CEP95: variants seen among roughly 807,000 people sequenced by gnomAD.
CEP95 encodes the protein centrosomal protein of 95 kDa.
In CEP95, 98 loss-of-function variants were observed where a neutral mutation model predicts 111.2. That is an observed-to-expected ratio of 0.88 (90% CI 0.75 to 1.04). CEP95 has a LOEUF of 1.04. Among genes scored for constraint, CEP95 ranks in the 50% least tolerant of loss-of-function variants. The probability of loss-of-function intolerance (pLI) is 0.00; values close to 1 mark genes in which losing one functional copy is unlikely to be tolerated. For synonymous variants in CEP95, 323 were observed against 327.1 expected, an observed-to-expected ratio of 0.99 and a Z score of 0.14; for missense variants, 1,027 against 977.2, an observed-to-expected ratio of 1.05 and a Z score of -0.68.
At chr17:64,537,185 G>A (rs1968718512) in intron 19 of CEP95, 73 bp downstream of exon 19, 1 of 1,565,984 alleles carries the variant, frequency 6.4e-7, no homozygotes, top group Non-Finnish European at 8.6e-7. Flanking sequence ...CTCGTACATT[G>A]GTGGTTGGAG....
At chr17:64,532,132 A>G in intron 14 of CEP95, 110 bp downstream of exon 14, 1 of 1,366,638 alleles carries the variant, frequency 7.3e-7, no homozygotes, top group Non-Finnish European at 9.5e-7. Context: ...AGCCGAAGAA[A>G]GTTTTTTTTT....
chr17:64,522,504 A>G (rs114061318), intron 7 of CEP95, among the ~76,000 whole-genome samples, 198 bp from the exon 8 acceptor site: 5,234 of 151,930 alleles, frequency 0.034, 314 homozygotes, highest in African/African-American at 0.12. Flanking sequence ...AAAAAAAAAA[A>G]TTACATCCTA....
intron 12 of CEP95, among the ~76,000 whole-genome samples, chr17:64,530,602 G>C (rs190018801): frequency 1.4e-3 from 215 of 151,308 alleles, no homozygotes; most frequent in Non-Finnish European, 2.7e-3. Flanking sequence ...TCCGTTTCCC[G>C]GGTTCAAGCG....
intron 3 of CEP95, among the ~76,000 whole-genome samples, chr17:64,513,108 G>A (rs970603930): frequency 1.3e-5 from 2 of 152,018 alleles, no homozygotes; most frequent in Admixed American, 6.5e-5. Flanking sequence ...TTTTTAAGCC[G>A]GAAAAACACG....
intron 8 of CEP95, among the ~76,000 whole-genome samples, chr17:64,524,992 A>G (rs1967684497): frequency 6.6e-6 from 1 of 151,950 alleles, no homozygotes; most frequent in South Asian, 2.1e-4. Flanking sequence ...ACAAACAAAC[A>G]TTAAATGTTT....
chr17:64,507,107 T>C lies in CEP95; in HGVS notation c.10T>C (p.Ser4Pro). The C allele has an allele frequency of 1.3e-6, 2 of 1,551,350 alleles. No homozygotes were observed. The highest frequency in any genetic ancestry group is 1.7e-6 in the Non-Finnish European group (2 of 1,146,902). The change falls in exon 1 of 20, where the codon TCG (serine) becomes CCG (proline). Residue 4 changes from serine to proline, a missense_variant. By Grantham distance (74) the Ser-to-Pro change is moderately conservative. Coordinates refer to ENST00000556440, the MANE Select transcript of CEP95 (RefSeq NM_138363.3). ...GACCTGCCTCTGAAACATGGCAGGCTCGGATGCTGGTGAGTGTCTCCCTGG... is the reference window on the plus strand; with the variant it reads ...GACCTGCCTCTGAAACATGGCAGGCCCGGATGCTGGTGAGTGTCTCCCTGG... MAG[S>P]DAEWVTIANN... is the part of the protein sequence containing the mutation.
rs1555680425 is a variant in CEP95, at chr17:64,531,990, G to C, written c.1640G>C (p.Gly547Ala). 1 of 1,599,122 alleles carries C rather than the reference G, an allele frequency of 6.3e-7. No homozygotes were observed. The highest frequency in any genetic ancestry group is 8.5e-7 in the Non-Finnish European group (1 of 1,176,032). The change falls in exon 14 of 20, where the codon GGT (glycine) becomes GCT (alanine). Residue 547 changes from glycine (G) to alanine (A), a missense_variant. Transcript: ENST00000556440. The part of the protein sequence containing the change: ...SRKTTTQSLR[G>A]GLPKPNKAVP... ...AAAACCACAACGCAGAGTCTAAGAG[G>C]TGGCCTCCCAAAGCCAAATAAAGCA...
chr17:64,521,752 ACTTAC>A (rs1967355284), intron 7 of CEP95, among the ~76,000 whole-genome samples: 1 of 141,318 alleles, frequency 7.1e-6, no homozygotes, highest in African/African-American at 2.6e-5. Flanking sequence ...AATTCTCACC[ACTTAC>A]CTTTTTTTTT....
rs372790513 is a variant in CEP95, at chr17:64,510,256, C to A, written c.232C>A (p.Gln78Lys). Residue 78 changes from glutamine (Q) to lysine (K), a missense_variant, in exon 3 of 20, where the codon CAG (glutamine) becomes AAG (lysine). Transcript: ENST00000556440. ...TGATTCACTGGCCTTGGACTACTTGCAGGTCAGCTTGTCTCACATAACAGG... is the reference window on the plus strand; with the variant it reads ...TGATTCACTGGCCTTGGACTACTTGAAGGTCAGCTTGTCTCACATAACAGG... The part of the protein sequence containing the change: ...VIDSLALDYL[Q>K]VSLSHITGEN... 8 of 1,607,390 alleles carry A rather than the reference C, an allele frequency of 5.0e-6. No individual in the cohort carries two copies. Among genetic ancestry groups the A allele is most frequent in the Non-Finnish European group, 6.8e-6 (8 of 1,175,126 alleles).
At chr17:64,535,712 C>T (rs572644374) in intron 17 of CEP95, 1 of 152,232 alleles carries the variant, frequency 6.6e-6, no homozygotes, top group South Asian at 2.1e-4. Flanking sequence ...TATAGAGTTA[C>T]CCTATGACCC....
At position 64,531,986 on chromosome 17, in the gene CEP95, A is replaced by G. The variant is rs1555680417; in HGVS notation, c.1636A>G (p.Arg546Gly). 3 of 1,601,070 alleles carry G rather than the reference A, an allele frequency of 1.9e-6. No homozygotes were observed. Among genetic ancestry groups the G allele is most frequent in the Non-Finnish European group, 2.5e-6 (3 of 1,176,596 alleles). ...TAGAAAAACCACAACGCAGAGTCTA[A>G]GAGGTGGCCTCCCAAAGCCAAATAA... is the stretch of plus-strand genomic sequence containing the variant. Reference protein sequence around the residue: ...YSRKTTTQSLRGGLPKPNKAV... With the variant: ...YSRKTTTQSLGGGLPKPNKAV... Residue 546 changes from arginine to glycine, a missense_variant, in exon 14 of 20, where the codon AGA (arginine) becomes GGA (glycine). Coordinates refer to ENST00000556440, the MANE Select transcript of CEP95 (RefSeq NM_138363.3).
In CEP95 at chr17:64,532,959, A is replaced by ATTTC; in HGVS notation, c.1793_1794insTTTC (p.Lys598AsnfsTer7). ...CAAATTGCACAGGTTGAACAGCTTA[A>ATTTC]GAAAGAAGCATGTAGAGAAAATCGA... On this transcript the variant is annotated frameshift_variant, in exon 15 of 20. Coordinates refer to ENST00000556440, the MANE Select transcript of CEP95 (RefSeq NM_138363.3). LOFTEE classifies it high-confidence loss of function. 6.2e-7 allele frequency: 1 copy of ATTTC among 1,613,870 alleles called. No individual in the cohort carries two copies. Among genetic ancestry groups the ATTTC allele is most frequent in the Non-Finnish European group, 8.5e-7 (1 of 1,179,848 alleles).
At chr17:64,507,901 G>C in intron 1 of CEP95, 1 of 985,388 alleles carries the variant, frequency 1.0e-6, no homozygotes, top group Non-Finnish European at 1.2e-6. Flanking sequence ...TACAGAAACC[G>C]TTAAACTTTG....
In CEP95 at chr17:64,537,890, C is replaced by A; in HGVS notation, c.*111C>A. 1.9e-6 allele frequency: 1 copy of A among 523,124 alleles called. No homozygotes were observed. The allele number at this position is 523,124 out of a possible 1,614,324, so 32.4% of individuals were successfully genotyped here. A position where few individuals can be genotyped will look rare whatever the true frequency, so the allele number is the denominator to read the frequency against. ...GAAAAATAATTTTCAAATGCTTTAC[C>A]TGTATTTTCATTCCAGTACTTTTTA... On this transcript the variant is annotated 3_prime_UTR_variant, in exon 20 of 20. Coordinates refer to ENST00000556440, the MANE Select transcript of CEP95 (RefSeq NM_138363.3).
At chr17:64,532,796 T>C in intron 14 of CEP95, 43 bp from the exon 15 acceptor site, 15 of 1,579,140 alleles carry the variant, frequency 9.5e-6, no homozygotes, top group Non-Finnish European at 1.2e-5. Context: ...ATGACAGTTC[T>C]TGTCCACGTC....
At chr17:64,515,433 A>C (rs529788033) in intron 4 of CEP95, among the ~76,000 whole-genome samples, 2 of 152,350 alleles carry the variant, frequency 1.3e-5, no homozygotes, top group East Asian at 3.9e-4. Flanking sequence ...GATTGAGATT[A>C]ATTTGAAATG....
rs1439021215 is a variant in CEP95, at chr17:64,508,670, C to G, written c.98C>G (p.Ala33Gly). 3 of 1,460,484 alleles carry G rather than the reference C, an allele frequency of 2.1e-6. No homozygotes were observed. The highest frequency in any genetic ancestry group is 2.9e-5 in the African/African-American group (2 of 69,544). The allele number at this position is 1,460,484 out of a possible 1,614,324, so 90.5% of individuals were successfully genotyped here. A position where few individuals can be genotyped will look rare whatever the true frequency, so the allele number is the denominator to read the frequency against. Residue 33 changes from alanine (A) to glycine (G), a missense_variant, in exon 2 of 20, where the codon GCT becomes GGT. Coordinates refer to ENST00000556440, the MANE Select transcript of CEP95 (RefSeq NM_138363.3). ...LRIHELQDCD[A>G]NVFIALYQSI... ...ATACATGAACTTCAAGACTGTGATG[C>G]TAATGTTTTTATTGCTCTTTATCAG...
In CEP95 at chr17:64,517,407, A is replaced by G. The variant is rs139038622; in HGVS notation, c.473+579A>G. Among the ~76,000 whole-genome samples, 48 of 152,312 alleles carry G rather than the reference A, an allele frequency of 3.2e-4. 1 individual carries two copies. The East Asian group carries it at 7.9e-3, about 25-fold the overall frequency. On this transcript the variant is annotated intron_variant, in intron 5 of 19. Transcript: ENST00000556440. Reference sequence around the variant, plus strand: ...TCTTTGCAAAAAACTTGCAAAATAGAAAAAGCAGGAAAAAAAATCTATTCC... The same window carrying G: ...TCTTTGCAAAAAACTTGCAAAATAGGAAAAGCAGGAAAAAAAATCTATTCC...
At position 64,533,200 on chromosome 17, in the gene CEP95, A is replaced by G. The variant is rs1598247217; in HGVS notation, c.1917+9A>G. 1 of 1,575,812 alleles carries G rather than the reference A, an allele frequency of 6.3e-7. No individual in the cohort carries two copies. Among genetic ancestry groups the G allele is most frequent in the South Asian group, 1.2e-5 (1 of 85,050 alleles). ...AACATAACAAGAGACTGGTATGTCA[A>G]GAGCAAGTTGGGTATTATAATTCTG... On this transcript the variant is annotated intron_variant, in intron 16 of 19. Transcript: ENST00000556440.
Sources: gnomAD v4.1 joint callset for allele counts (sites outside exome capture counted in the v4.1 genomes callset) on GRCh38, gnomAD v4.1.1 for gene constraint, MANE v1.5 for transcripts, NCBI Gene and HGNC (gene_info 2026-07-23, HGNC 2026-07-21) for gene names.